TMF1: variants seen among roughly 807,000 people sequenced by gnomAD.
The protein encoded by TMF1 is TATA element modulatory factor.
A neutral mutation model predicts 126.5 loss-of-function variants in TMF1; 71 were observed. The observed-to-expected ratio is 0.56, with a 90% confidence interval of 0.46 to 0.68. The LOEUF (loss-of-function observed/expected upper bound fraction) is 0.68. TMF1 is among the 30% of genes least tolerant of loss of function. The pLI is 0.00. For missense variants in TMF1, 1,259 were observed against 1,253.2 expected (o/e 1.00, Z -0.07); for synonymous variants, 461 against 430.5 (o/e 1.07, Z -0.88).
At chr3:69,031,488 T>C (rs1050007298) in intron 10 of TMF1, among the ~76,000 whole-genome samples, 2 of 152,150 alleles carry the variant, frequency 1.3e-5, no homozygotes, top group Non-Finnish European at 2.9e-5. Context: ...AATCAGTAGA[T>C]TGTATCAATG....
chr3:69,043,631 T>C (rs777149507), intron 4 of TMF1, 119 bp downstream of exon 4: 1 of 990,218 alleles, frequency 1.0e-6, no homozygotes, highest in Non-Finnish European at 1.4e-6. Context: ...TAAATGTTAA[T>C]AGATGATATC....
In TMF1 at chr3:69,038,670, T is replaced by C. The variant is rs3736422; in HGVS notation, c.2045A>G (p.Gln682Arg). The C allele has an allele frequency of 1.9e-4, 301 of 1,614,226 alleles. 3 individuals carry two copies. The East Asian group carries it at 6.6e-3, about 35-fold the overall frequency. The change falls in exon 8 of 17, where the codon CAG becomes CGG. Residue 682 changes from glutamine (Q) to arginine (R), a missense_variant. Physicochemically the swap from Gln to Arg is conservative, Grantham distance 43. Coordinates refer to ENST00000398559, the MANE Select transcript of TMF1 (RefSeq NM_007114.3). The stretch of plus-strand genomic sequence containing the variant: ...CATTTCACGGCTCAGAGCAGCTTCC[T>C]GTGCCTCACTATCCTTTGCAGCATT... Reference protein sequence around the residue: ...KANAAKDSEAQEAALSREMKA... With the variant: ...KANAAKDSEAREAALSREMKA...
intron 13 of TMF1, 46 bp from the exon 14 acceptor site, chr3:69,026,143 T>G: frequency 7.7e-7 from 1 of 1,298,474 alleles, no homozygotes; most frequent in Non-Finnish European, 1.1e-6. Flanking sequence ...AGCAAAGAGA[T>G]AAGCAGAGAA....
rs774682939 is a variant in TMF1, at chr3:69,038,602, C to T, written c.2113G>A (p.Glu705Lys). 1 of 1,614,108 alleles carries T rather than the reference C, an allele frequency of 6.2e-7. No individual in the cohort carries two copies. Among genetic ancestry groups the T allele is most frequent in the East Asian group, 2.2e-5 (1 of 44,874 alleles). ...GTTTCTTGCTGCTGACGGGCTTCTT[C>T]TTGGGCCTTCTCTAATGCTGCAGAA... is the stretch of plus-strand genomic sequence containing the variant. ...ELSAALEKAQ[E>K]EARQQQETLA... Residue 705 changes from glutamate (E) to lysine (K), a missense_variant, in exon 8 of 17, where the codon GAA (glutamate) becomes AAA (lysine). Glu to Lys is a moderately conservative substitution (Grantham distance 56). Transcript: ENST00000398559.
intron 1 of TMF1, 147 bp from the exon 2 acceptor site, chr3:69,048,709 T>C (rs1378082360): frequency 1.4e-6 from 1 of 722,062 alleles, no homozygotes; most frequent in Admixed American, 3.5e-5. Context: ...CCTTGCTTAC[T>C]ACATCATTAA....
chr3:69,033,494 C>A, intron 10 of TMF1, 54 bp downstream of exon 10: 2 of 1,540,470 alleles, frequency 1.3e-6, no homozygotes, highest in South Asian at 1.3e-5. Context: ...TATTCTAATT[C>A]TATAAACAAG....
At position 69,024,089 on chromosome 3, in the gene TMF1, A is replaced by G; in HGVS notation, c.3104T>C (p.Val1035Ala). 6.2e-7 allele frequency: 1 copy of G among 1,609,492 alleles called. No individual in the cohort carries two copies. ...AGTTCTAAGTTTGGGTATCTCCTTC[A>G]CCTTCTCTTCAAGTTCATCATTTTG... is the stretch of plus-strand genomic sequence containing the variant. Reference protein sequence around the residue: ...TNQNDELEEKVKEIPKLRTQL... With the variant: ...TNQNDELEEKAKEIPKLRTQL... The change falls in exon 16 of 17, where the codon GTG (valine) becomes GCG (alanine). Residue 1035 changes from valine (V) to alanine (A), a missense_variant. By Grantham distance (64) the Val-to-Ala change is moderately conservative. Transcript: ENST00000398559.
At position 69,047,072 on chromosome 3, in the gene TMF1, A is replaced by G. The variant is rs541632931; in HGVS notation, c.1347+286T>C. Among the ~76,000 whole-genome samples, 7 of 152,332 alleles carry G rather than the reference A, an allele frequency of 4.6e-5. No individual in the cohort carries two copies. The East Asian group carries it at 1.3e-3, about 29-fold the overall frequency. ...AAATTGACATACTAATAAGCATAACAGAATTTTGAAGTGATAAGGACTCAA... is the reference window on the plus strand; with the variant it reads ...AAATTGACATACTAATAAGCATAACGGAATTTTGAAGTGATAAGGACTCAA... On this transcript the variant is annotated intron_variant, in intron 2 of 16. Coordinates refer to ENST00000398559, the MANE Select transcript of TMF1 (RefSeq NM_007114.3).
chr3:69,026,070 T>C lies in TMF1; in HGVS notation c.2785A>G (p.Thr929Ala), dbSNP rs778293404. Residue 929 changes from threonine (T) to alanine (A), a missense_variant, in exon 14 of 17, where the codon ACT becomes GCT. Coordinates refer to ENST00000398559, the MANE Select transcript of TMF1 (RefSeq NM_007114.3). ...GAACTTGAGCGTGACATGGTGGGAG[T>C]GCTAGAAACAGAAAATGGCTTGCGT... The part of the protein sequence containing the change: ...KERKPFSVSS[T>A]PTMSRSSSIS... 3.7e-6 allele frequency: 6 copies of C among 1,613,576 alleles called. 1 individual carries two copies. In the South Asian group the frequency reaches 6.6e-5, roughly 18 times the overall value.
intron 1 of TMF1, among the ~76,000 whole-genome samples, chr3:69,050,259 C>CAAAAAAAAAA (rs561794015): frequency 2.8e-5 from 2 of 71,706 alleles, no homozygotes; most frequent in Middle Eastern, 0.011. Flanking sequence ...GACTGTGTCT[C>CAAAAAAAAAA]AAAAAAAAAA....
chr3:69,039,445 C>T, intron 6 of TMF1, 106 bp downstream of exon 6: 1 of 1,243,674 alleles, frequency 8.0e-7, no homozygotes, highest in South Asian at 1.6e-5. Context: ...ATCCTTCTTA[C>T]ATGATATACC....
chr3:69,051,334 G>A (rs886785257), intron 1 of TMF1, among the ~76,000 whole-genome samples: 1 of 152,078 alleles, frequency 6.6e-6, no homozygotes, highest in Non-Finnish European at 1.5e-5. Context: ...AAGTTGCCGG[G>A]CGTGGTGGTG....
In TMF1 at chr3:69,029,981, C is replaced by T. The variant is rs1333859055; in HGVS notation, c.2428G>A (p.Ala810Thr). Residue 810 changes from alanine (A) to threonine (T), a missense_variant, in exon 11 of 17, where the codon GCA becomes ACA. Physicochemically the swap from Ala to Thr is moderately conservative, Grantham distance 58. Coordinates refer to ENST00000398559, the MANE Select transcript of TMF1 (RefSeq NM_007114.3). ...GTAGCTGCACGTTCTCTCTCAACTGCTGCTGCCAGCAAGGTCTGGGATTCA... is the reference window on the plus strand; with the variant it reads ...GTAGCTGCACGTTCTCTCTCAACTGTTGCTGCCAGCAAGGTCTGGGATTCA... ...LGESQTLLAA[A>T]VERERAATEE... is the part of the protein sequence containing the mutation. The T allele has an allele frequency of 1.9e-6, 3 of 1,613,768 alleles. No homozygotes were observed. Among genetic ancestry groups the T allele is most frequent in the African/African-American group, 2.7e-5 (2 of 75,030 alleles).
chr3:69,042,452 A>G (rs1168889364), intron 5 of TMF1: 2 of 467,894 alleles, frequency 4.3e-6, no homozygotes, highest in Admixed American at 2.3e-5. Context: ...ACAGTACTTA[A>G]GCTAGGTATT....
At position 69,035,088 on chromosome 3, in the gene TMF1, G is replaced by C; in HGVS notation, c.2179C>G (p.Arg727Gly). 6.2e-7 allele frequency: 1 copy of C among 1,614,072 alleles called. No individual in the cohort carries two copies. The highest frequency in any genetic ancestry group is 8.5e-7 in the Non-Finnish European group (1 of 1,179,976). Residue 727 changes from arginine to glycine, a missense_variant, in exon 9 of 17, where the codon CGT (arginine) becomes GGT (glycine). Physicochemically the swap from Arg to Gly is moderately radical, Grantham distance 125. Transcript: ENST00000398559. ...QVGDLRLALQ[R>G]TEQAAARKED... ...TTTCTGGCAGCCGCTTGTTCTGTAC[G>C]CTGCAATGCAAGCCTAAGGTCCCCC...
Position 69,029,747 on chromosome 3 carries a change from C to T in TMF1, c.2594+68G>A, listed in dbSNP as rs1177497224. The T allele has an allele frequency of 4.1e-6, 6 of 1,454,708 alleles. No individual in the cohort carries two copies. The Admixed American group carries it at 6.3e-5, about 15-fold the overall frequency. The allele number at this position is 1,454,708 out of a possible 1,614,324, so 90.1% of individuals were successfully genotyped here. On this transcript the variant is annotated intron_variant, in intron 11 of 16. Coordinates refer to ENST00000398559, the MANE Select transcript of TMF1 (RefSeq NM_007114.3). ...TGAGCCACGGCGCCCGGCCCAACAACATACTTTTAAAAAGTGCTTTAGGAT... is the reference window on the plus strand; with the variant it reads ...TGAGCCACGGCGCCCGGCCCAACAATATACTTTTAAAAAGTGCTTTAGGAT...
intron 5 of TMF1, 89 bp downstream of exon 5, chr3:69,042,718 T>G: frequency 1.8e-6 from 2 of 1,096,108 alleles, no homozygotes; most frequent in African/African-American, 3.1e-5. Context: ...CTTTCAGTAT[T>G]TTTAATTAGG....
At chr3:69,040,283 T>A (rs1361790129) in intron 5 of TMF1, 1 of 152,444 alleles carries the variant, frequency 6.6e-6, no homozygotes, top group African/African-American at 2.4e-5. Flanking sequence ...GCAGAACAAA[T>A]GATCAATTAT....
chr3:69,051,672 GACCA>G (rs990114688), intron 1 of TMF1, among the ~76,000 whole-genome samples: 13 of 152,028 alleles, frequency 8.6e-5, no homozygotes, highest in African/African-American at 2.7e-4. Context: ...TTGAGGGCAA[GACCA>G]ACCAACCAAG....
Sources: allele counts gnomAD v4.1 joint callset (sites outside exome capture counted in the v4.1 genomes callset), GRCh38; gene constraint gnomAD v4.1.1; transcripts MANE v1.5; gene names NCBI Gene and HGNC (gene_info 2026-07-23, HGNC 2026-07-21).